MALRD1: variants seen among roughly 807,000 people sequenced by gnomAD.
MALRD1 encodes MAM and LDL-receptor class A domain-containing protein 1.
MALRD1 carries 247 observed loss-of-function variants against 242.1 expected under a neutral mutation model. That is an observed-to-expected ratio of 1.02 (90% confidence interval 0.92 to 1.13). The LOEUF is 1.13. Among genes scored for constraint, MALRD1 ranks in the 50% most tolerant of loss-of-function variants. MALRD1 has a pLI of 0.00. For missense variants in MALRD1, 2,989 were observed against 2,533.1 expected (o/e 1.18, Z -3.86); for synonymous variants, 995 against 866.6 (o/e 1.15, Z -2.60).
chr10:19,566,385 C>T (rs190867263), intron 32 of MALRD1, among the ~76,000 whole-genome samples: 249 of 150,134 alleles, frequency 1.7e-3, no homozygotes, highest in African/African-American at 5.5e-3. Flanking sequence ...GTGATCTGCC[C>T]GCCTTGGCCT....
At chr10:19,238,232 TTA>T (rs1342111085) in intron 18 of MALRD1, among the ~76,000 whole-genome samples, 1 of 62,814 alleles carries the variant, frequency 1.6e-5, no homozygotes, top group Non-Finnish European at 2.7e-5. Flanking sequence ...ATAATATATA[TTA>T]TATATAATAT....
At chr10:19,458,121 A>G (rs1410041029) in intron 29 of MALRD1, among the ~76,000 whole-genome samples, 1 of 152,128 alleles carries the variant, frequency 6.6e-6, no homozygotes, top group Non-Finnish European at 1.5e-5. Flanking sequence ...AACACTTGAT[A>G]TAATTTGTTA....
chr10:19,388,625 C>A lies in MALRD1; in HGVS notation c.4688-827C>A, dbSNP rs1023330366. On this transcript the variant is annotated intron_variant, in intron 27 of 39. Coordinates refer to ENST00000454679, the MANE Select transcript of MALRD1 (RefSeq NM_001142308.3). ...AAAGAGTTTGAAACCTATAGAGATGCCATGAAAATTTAACTTTAAAGCCAC... is the reference window on the plus strand; with the variant it reads ...AAAGAGTTTGAAACCTATAGAGATGACATGAAAATTTAACTTTAAAGCCAC... Among the ~76,000 whole-genome samples the A allele has an allele frequency of 1.2e-4, 19 of 152,052 alleles. 1 individual carries two copies. The highest frequency in any genetic ancestry group is 1.2e-3 in the Admixed American group (18 of 15,258).
chr10:19,491,225 C>T (rs1300742511), intron 29 of MALRD1: 1 of 614,760 alleles, frequency 1.6e-6, no homozygotes, highest in Non-Finnish European at 2.8e-6. Flanking sequence ...TACCAGGTTC[C>T]AGGTAGTTGT....
chr10:19,179,100 G>A (rs1439636498), intron 14 of MALRD1, among the ~76,000 whole-genome samples: 2 of 152,160 alleles, frequency 1.3e-5, no homozygotes, highest in South Asian at 2.1e-4. Flanking sequence ...AAACACAAGA[G>A]CAAGGATGTA....
intron 14 of MALRD1, among the ~76,000 whole-genome samples, chr10:19,188,719 C>T (rs752929458): frequency 2.0e-4 from 31 of 152,128 alleles, no homozygotes; most frequent in Non-Finnish European, 4.4e-4. Flanking sequence ...ACTAGCAACA[C>T]CAAAGTCTAG....
intron 14 of MALRD1, among the ~76,000 whole-genome samples, chr10:19,195,850 C>G (rs1488886631): frequency 6.6e-6 from 1 of 151,966 alleles, no homozygotes; most frequent in Non-Finnish European, 1.5e-5. Flanking sequence ...ACCCAGCAAG[C>G]ACATGCAATT....
At chr10:19,493,634 C>A (rs943963221) in intron 30 of MALRD1, among the ~76,000 whole-genome samples, 2 of 146,752 alleles carry the variant, frequency 1.4e-5, no homozygotes, top group African/African-American at 5.3e-5. Flanking sequence ...ATGGTGAAAC[C>A]CCGTCTCTAC....
intron 26 of MALRD1, among the ~76,000 whole-genome samples, chr10:19,382,363 A>AGT (rs61201600): frequency 0.94 from 142,031 of 151,586 alleles, 66,791 homozygotes; most frequent in African/African-American, 0.98. Flanking sequence ...TGTATGTGTG[A>AGT]GTGTGTGTGT....
intron 38 of MALRD1, among the ~76,000 whole-genome samples, chr10:19,729,883 C>T (rs1835213438): frequency 6.6e-6 from 1 of 151,148 alleles, no homozygotes; most frequent in African/African-American, 2.4e-5. Flanking sequence ...ACTACAGGCG[C>T]CCGCCACCAC....
chr10:19,454,257 C>G (rs1402248548), intron 29 of MALRD1, among the ~76,000 whole-genome samples: 1 of 151,526 alleles, frequency 6.6e-6, no homozygotes, highest in Non-Finnish European at 1.5e-5. Context: ...GGACAAACCA[C>G]AAACAGTGAC....
At position 19,134,901 on chromosome 10, in the gene MALRD1, A is replaced by C. The variant is rs553954042; in HGVS notation, c.1203+953A>C. Among the ~76,000 whole-genome samples, 9 of 152,242 alleles carry C rather than the reference A, an allele frequency of 5.9e-5. No homozygotes were observed. The South Asian group carries it at 6.2e-4, about 11-fold the overall frequency. ...TTTGAGATCTAAGTTTAAAACCATC[A>C]ATTTTTGAACCTCAAATTGATATCA... On this transcript the variant is annotated intron_variant, in intron 9 of 39. Transcript: ENST00000454679.
At chr10:19,445,317 T>C (rs1589086362) in intron 28 of MALRD1, among the ~76,000 whole-genome samples, 1 of 152,348 alleles carries the variant, frequency 6.6e-6, no homozygotes, top group Admixed American at 6.5e-5. Context: ...TGTCAATTTG[T>C]CAAAGTTATT....
At chr10:19,432,423 C>G (rs1167011105) in intron 28 of MALRD1, among the ~76,000 whole-genome samples, 1 of 152,114 alleles carries the variant, frequency 6.6e-6, no homozygotes, top group Non-Finnish European at 1.5e-5. Context: ...AATCTGAAAT[C>G]TATTAGTTGG....
chr10:19,533,206 C>A (rs117787173), intron 32 of MALRD1, among the ~76,000 whole-genome samples: 1 of 152,216 alleles, frequency 6.6e-6, no homozygotes, highest in Non-Finnish European at 1.5e-5. Flanking sequence ...AGTTAAGTGG[C>A]CCTCTGTGTT....
intron 14 of MALRD1, among the ~76,000 whole-genome samples, chr10:19,188,731 A>T (rs10763882): frequency 0.56 from 85,257 of 151,892 alleles, 24,301 homozygotes; most frequent in Admixed American, 0.66. Context: ...AAAGTCTAGA[A>T]GACATCACCA....
intron 28 of MALRD1, among the ~76,000 whole-genome samples, chr10:19,447,047 CACACACACACACACATACACAG>C (rs1835027662): frequency 9.9e-6 from 1 of 101,392 alleles, no homozygotes; most frequent in African/African-American, 3.5e-5. Flanking sequence ...TAGGAACACA[CACACACACACACACATACACAG>C]ACACACACAC....
chr10:19,614,894 T>C (rs1839070190), intron 35 of MALRD1, among the ~76,000 whole-genome samples: 1 of 152,044 alleles, frequency 6.6e-6, no homozygotes, highest in Non-Finnish European at 1.5e-5. Flanking sequence ...ACATGAGGAC[T>C]GTTGTGTAGA....
chr10:19,640,933 A>G (rs1001811114), intron 36 of MALRD1, among the ~76,000 whole-genome samples: 1 of 152,212 alleles, frequency 6.6e-6, no homozygotes, highest in Non-Finnish European at 1.5e-5. Flanking sequence ...TAGTTTTTGT[A>G]TCCAATAGGA....
Sources: allele counts gnomAD v4.1 joint callset (sites outside exome capture counted in the v4.1 genomes callset), GRCh38; gene constraint gnomAD v4.1.1; transcripts MANE v1.5; gene names NCBI Gene and HGNC (gene_info 2026-07-23, HGNC 2026-07-21).